ADHFE1: variants seen among roughly 807,000 people sequenced by gnomAD.
The protein encoded by ADHFE1 is hydroxyacid-oxoacid transhydrogenase, mitochondrial.
A neutral mutation model predicts 54.8 loss-of-function variants in ADHFE1; 37 were observed. The observed-to-expected ratio is 0.68, with a 90% CI of 0.52 to 0.89. ADHFE1 has a LOEUF of 0.89. Among genes scored for constraint, ADHFE1 ranks in the 40% least tolerant of loss-of-function variants. ADHFE1 has a pLI of 0.00. For synonymous variants in ADHFE1, 203 were observed against 229.3 expected, an observed-to-expected ratio of 0.89 and a Z score of 1.04; for missense variants, 601 against 591.2, an observed-to-expected ratio of 1.02 and a Z score of -0.17.
chr8:66,445,968 G>C (rs1432424609), intron 6 of ADHFE1, among the ~76,000 whole-genome samples: 4 of 152,140 alleles, frequency 2.6e-5, no homozygotes, highest in Admixed American at 2.0e-4. Flanking sequence ...TGTTCCACAG[G>C]GGACCTTGAG....
At chr8:66,462,580 C>G (rs1806958820) in intron 13 of ADHFE1, among the ~76,000 whole-genome samples, 1 of 152,188 alleles carries the variant, frequency 6.6e-6, no homozygotes. Context: ...TAGCTTCTGG[C>G]TTTATGGCAT....
intron 7 of ADHFE1, among the ~76,000 whole-genome samples, chr8:66,447,636 G>C (rs1489473021): frequency 6.6e-6 from 1 of 152,102 alleles, no homozygotes; most frequent in Non-Finnish European, 1.5e-5. Context: ...CTGTAAATAT[G>C]TTAAATATTT....
At position 66,460,292 on chromosome 8, in the gene ADHFE1, AC is replaced by A; in HGVS notation, c.1163-15del. The A allele has an allele frequency of 5.6e-6, 9 of 1,613,688 alleles. No homozygotes were observed. Among genetic ancestry groups the A allele is most frequent in the Non-Finnish European group, 6.8e-6 (8 of 1,179,932 alleles). ...TTCTTCCTCTCTCCCTACAGTCAGCACTTTATGTCTTCTAGGAGCCGACACC... is the reference window on the plus strand; with the variant it reads ...TTCTTCCTCTCTCCCTACAGTCAGCATTTATGTCTTCTAGGAGCCGACACC... On this transcript the variant is annotated splice_polypyrimidine_tract_variant and intron_variant, in intron 12 of 13. Coordinates refer to ENST00000396623, the MANE Select transcript of ADHFE1 (RefSeq NM_144650.3).
intron 12 of ADHFE1, among the ~76,000 whole-genome samples, chr8:66,457,468 A>ACT (rs1258602024): frequency 1.4e-5 from 2 of 146,550 alleles, no homozygotes; most frequent in Non-Finnish European, 3.0e-5. Context: ...ACAGAGTGAG[A>ACT]CTCTCTCTCT....
intron 10 of ADHFE1, 96 bp from the exon 11 acceptor site, chr8:66,456,720 AG>A: frequency 1.2e-6 from 1 of 864,496 alleles, no homozygotes; most frequent in Non-Finnish European, 1.9e-6. Flanking sequence ...GATACTGTCT[AG>A]AGGCCGTGAC....
intron 10 of ADHFE1, among the ~76,000 whole-genome samples, chr8:66,455,578 T>C (rs1806539411): frequency 6.6e-6 from 1 of 152,168 alleles, no homozygotes; most frequent in Admixed American, 6.5e-5. Context: ...TGAAAAATAT[T>C]TATGCCCCTG....
chr8:66,432,746 G>A, intron 1 of ADHFE1, 171 bp downstream of exon 1: 1 of 1,231,548 alleles, frequency 8.1e-7, no homozygotes, highest in Non-Finnish European at 1.0e-6. Flanking sequence ...CGAGGTCACA[G>A]AGTGCGCGAT....
intron 1 of ADHFE1, among the ~76,000 whole-genome samples, chr8:66,433,493 C>T (rs1805308391): frequency 1.3e-5 from 2 of 152,198 alleles, no homozygotes; most frequent in South Asian, 4.1e-4. Flanking sequence ...AATCCTTTCA[C>T]TGACCCTATG....
chr8:66,460,435 C>A lies in ADHFE1; in HGVS notation c.1290C>A (p.Ile430=), dbSNP rs766152825. ...CTGTTGGTTACTCCAAAGCTGATAT[C>A]CCCGCACTAGTGAAAGGAACGCTGC... ...LAAVGYSKAD[I]PALVKGTLPQ... is the part of the protein sequence containing the mutation. Residue 430 remains isoleucine (I), a synonymous_variant, in exon 13 of 14, where the codon ATC becomes ATA. Transcript: ENST00000396623. The A allele has an allele frequency of 1.9e-5, 30 of 1,602,606 alleles. No individual in the cohort carries two copies. Among genetic ancestry groups the A allele is most frequent in the Middle Eastern group, 1.7e-4 (1 of 6,046 alleles).
intron 12 of ADHFE1, 165 bp from the exon 13 acceptor site, chr8:66,460,143 C>CTGA: frequency 2.5e-6 from 2 of 799,740 alleles, no homozygotes; most frequent in Non-Finnish European, 2.0e-6. Flanking sequence ...TAAGTGAGCT[C>CTGA]CCCCAGCCAA....
chr8:66,443,965 G>A (rs935351488), intron 3 of ADHFE1, among the ~76,000 whole-genome samples: 1 of 151,514 alleles, frequency 6.6e-6, no homozygotes, highest in Admixed American at 6.6e-5. Context: ...TCATAGTTGA[G>A]TTACCAGAGC....
At chr8:66,445,445 A>G (rs776800502) in intron 6 of ADHFE1, 31 bp downstream of exon 6, 3 of 1,570,516 alleles carry the variant, frequency 1.9e-6, no homozygotes, top group Admixed American at 1.9e-5. Context: ...TGTTTGTTTT[A>G]TTTTGCAATG....
chr8:66,460,505 C>G, intron 13 of ADHFE1, 40 bp downstream of exon 13: 8 of 1,524,072 alleles, frequency 5.2e-6, no homozygotes, highest in Non-Finnish European at 6.2e-6. Flanking sequence ...GCGAAGGAGC[C>G]TAGCGCCTCC....
chr8:66,435,892 C>T (rs1186170877), intron 1 of ADHFE1, among the ~76,000 whole-genome samples: 6 of 148,830 alleles, frequency 4.0e-5, no homozygotes, highest in Non-Finnish European at 8.9e-5. Flanking sequence ...TATAGGTATG[C>T]GCCACAACAC....
Position 66,443,264 on chromosome 8 carries a change from A to ATTTTTT in ADHFE1, c.144+447_144+452dup, listed in dbSNP as rs540464621. ...GTCCCTGTCTCCTCCTAGTCCAGGA[A>ATTTTTT]TTTTTTTTTTTTTTTTTTTTTTTTT... On this transcript the variant is annotated intron_variant, in intron 3 of 13. Transcript: ENST00000396623. 1.3e-3 allele frequency among the ~76,000 whole-genome samples: 113 copies of ATTTTTT among 86,096 alleles called. 13 individuals are homozygous for ATTTTTT. The highest frequency in any genetic ancestry group is 1.6e-3 in the Non-Finnish European group (65 of 40,908). The allele number at this position is 86,096 out of a possible 152,430, so 56.5% of individuals were successfully genotyped here.
At chr8:66,461,102 T>G (rs532110718) in intron 13 of ADHFE1, among the ~76,000 whole-genome samples, 1 of 152,324 alleles carries the variant, frequency 6.6e-6, no homozygotes, top group South Asian at 2.1e-4. Flanking sequence ...AGAACTCTGA[T>G]CCCTCAGTGG....
intron 3 of ADHFE1, among the ~76,000 whole-genome samples, chr8:66,443,508 C>T (rs905876373): frequency 1.3e-5 from 2 of 152,072 alleles, no homozygotes; most frequent in South Asian, 2.1e-4. Flanking sequence ...GAACTCCTGA[C>T]CTCAGGTGAT....
At chr8:66,456,974 C>A in intron 11 of ADHFE1, 79 bp downstream of exon 11, 1 of 1,469,598 alleles carries the variant, frequency 6.8e-7, no homozygotes, top group Non-Finnish European at 9.2e-7. Context: ...CAATTCTCGC[C>A]TGCTTAGAGT....
chr8:66,447,255 T>G lies in ADHFE1; in HGVS notation c.551-9T>G, dbSNP rs767505844. 6.2e-7 allele frequency: 1 copy of G among 1,610,836 alleles called. No homozygotes were observed. The highest frequency in any genetic ancestry group is 1.7e-5 in the Admixed American group (1 of 59,894). On this transcript the variant is annotated splice_polypyrimidine_tract_variant and intron_variant, in intron 6 of 13. Coordinates refer to ENST00000396623, the MANE Select transcript of ADHFE1 (RefSeq NM_144650.3). ...ATGCTTTATTAAAATTAATATTATT[T>G]TGTTCAAGTGCCAACTACCTCAGGA...
Sources: gnomAD v4.1 joint callset for allele counts (sites outside exome capture counted in the v4.1 genomes callset) on GRCh38, gnomAD v4.1.1 for gene constraint, MANE v1.5 for transcripts, NCBI Gene and HGNC (gene_info 2026-07-23, HGNC 2026-07-21) for gene names.